Variants in EZH1 observed in about 807,000 individuals in gnomAD.
EZH1 encodes enhancer of zeste 1 polycomb repressive complex 2 subunit, also known as histone-lysine N-methyltransferase EZH1.
Under a neutral mutation model 100.5 loss-of-function variants are expected in EZH1, and 33 were observed. That is an observed-to-expected ratio of 0.33 (90% CI 0.25 to 0.44). The LOEUF (loss-of-function observed/expected upper bound fraction) is 0.44, where lower values mean the gene tolerates loss of function less well. EZH1 is among the 20% of genes least tolerant of loss of function. The probability of loss-of-function intolerance (pLI) is 1.00; values close to 1 mark genes in which losing one functional copy is unlikely to be tolerated. For missense variants in EZH1, 475 were observed against 928.4 expected (o/e 0.51, Z 6.35); for synonymous variants, 272 against 313.8 (o/e 0.87, Z 1.41).
chr17:42,706,150 G>A lies in EZH1; in HGVS notation c.1696C>T (p.Gln566Ter). Residue 566 changes from glutamine to a stop codon, truncating the protein, a stop_gained, in exon 16 of 21, where the codon CAG (glutamine) becomes TAG (stop). Coordinates refer to ENST00000428826, the MANE Select transcript of EZH1 (RefSeq NM_001991.5). LOFTEE classifies it high-confidence loss of function. This position sits in a 1 kb window ranked among gnomAD's most constrained non-coding sequence, Gnocchi z 4.4. Reference protein sequence around the residue: ...NRFPGCRCKTQCNTKQCPCYL... With the variant: ...NRFPGCRCKT ...CAAGGACATTGCTTGGTATTGCACTGGGTCTTACAGCGACAGCCAGGGAAA... is the reference window on the plus strand; with the variant it reads ...CAAGGACATTGCTTGGTATTGCACTAGGTCTTACAGCGACAGCCAGGGAAA... 6.2e-7 allele frequency: 1 copy of A among 1,612,304 alleles called. No homozygotes were observed. Among genetic ancestry groups the A allele is most frequent in the Non-Finnish European group, 8.5e-7 (1 of 1,178,990 alleles).
At position 42,708,021 on chromosome 17, in the gene EZH1, T is replaced by A. The variant is rs781046699; in HGVS notation, c.1597A>T (p.Ser533Cys). 6.2e-7 allele frequency: 1 copy of A among 1,612,558 alleles called. No homozygotes were observed. Among genetic ancestry groups the A allele is most frequent in the South Asian group, 1.1e-5 (1 of 91,020 alleles). The stretch of plus-strand genomic sequence containing the variant: ...TGAGTCATGATGCAGGGGCAGGTGC[T>A]GTCACAGGGGCGGTCTGGGTGGTCG... ...PCDHPDRPCD[S>C]TCPCIMTQNF... The change falls in exon 15 of 21, where the codon AGC (serine) becomes TGC (cysteine). Residue 533 changes from serine to cysteine, a missense_variant. Ser to Cys is a moderately radical substitution (Grantham distance 112). This residue lies in a region of EZH1 where 83 missense variants were observed against 142.1 expected (regional missense o/e 0.58). Transcript: ENST00000428826.
At chr17:42,724,874 T>C (rs1173911398) in intron 4 of EZH1, among the ~76,000 whole-genome samples, 1 of 151,972 alleles carries the variant, frequency 6.6e-6, no homozygotes, top group Non-Finnish European at 1.5e-5. Flanking sequence ...GCATTTAAAA[T>C]TATAAAAAAT....
intron 17 of EZH1, 59 bp from the exon 18 acceptor site, chr17:42,704,742 C>T: frequency 7.1e-7 from 1 of 1,410,154 alleles, no homozygotes; most frequent in Non-Finnish European, 9.9e-7. Context: ...GGGCATGGTA[C>T]CCTGCCCCCA....
rs2053227826 is a variant in EZH1, at chr17:42,700,942, T to TGCC, written c.*1589_*1590insGGC. The TGCC allele has an allele frequency of 6.6e-6, 1 of 152,298 alleles. No homozygotes were observed. The highest frequency in any genetic ancestry group is 2.4e-5 in the African/African-American group (1 of 41,404). The allele number at this position is 152,298 out of a possible 1,614,324, so 9.4% of individuals were successfully genotyped here. ...ACTTCTTCCTTCATGGGACAACAAG[T>TGCC]GGAGTGGGAAGAAGCGGGGCTCTGA... On this transcript the variant is annotated 3_prime_UTR_variant, in exon 21 of 21. Coordinates refer to ENST00000428826, the MANE Select transcript of EZH1 (RefSeq NM_001991.5).
At chr17:42,725,294 G>A (rs1157771154) in intron 4 of EZH1, among the ~76,000 whole-genome samples, 1 of 150,700 alleles carries the variant, frequency 6.6e-6, no homozygotes, top group Non-Finnish European at 1.5e-5. Flanking sequence ...TTTTGAGACA[G>A]GATCTCACTC....
intron 1 of EZH1, among the ~76,000 whole-genome samples, chr17:42,732,092 T>C (rs534022559): frequency 2.7e-5 from 4 of 149,252 alleles, no homozygotes; most frequent in South Asian, 2.1e-4. Context: ...GCATCCAGCC[T>C]GAGAAACTGA....
rs2089116 is a variant in EZH1, at chr17:42,706,812, T to C, written c.1661-627A>G. Among the ~76,000 whole-genome samples the C allele has an allele frequency of 0.6, 91,589 of 152,070 alleles. 29,187 individuals carry two copies. Among genetic ancestry groups the C allele is most frequent in the African/African-American group, 0.83 (34,325 of 41,502 alleles). On this transcript the variant is annotated intron_variant, in intron 15 of 20. Coordinates refer to ENST00000428826, the MANE Select transcript of EZH1 (RefSeq NM_001991.5). The surrounding 1 kb of genome is among the most constrained non-coding windows in gnomAD (Gnocchi z 4.4). ...TACCCCAGAGAATATGAAATCAGTG[T>C]GTTTCACTGGTAAATTGTCACCATC...
At chr17:42,714,599 T>C in intron 10 of EZH1, 2 of 336,522 alleles carry the variant, frequency 5.9e-6, no homozygotes, top group South Asian at 5.6e-5. Context: ...CAGCAGAAAA[T>C]TGTTGTGAAA....
At chr17:42,705,482 A>C (rs925906146) in intron 16 of EZH1, 4 of 231,286 alleles carry the variant, frequency 1.7e-5, no homozygotes, top group Non-Finnish European at 3.4e-5. Context: ...AGGTGCATAC[A>C]CCTCGCAGCT....
At chr17:42,715,028 G>A (rs1418648827) in intron 10 of EZH1, among the ~76,000 whole-genome samples, 3 of 134,842 alleles carry the variant, frequency 2.2e-5, no homozygotes, top group South Asian at 4.4e-4. Context: ...TATAATTTAT[G>A]TAAATATAAT....
chr17:42,725,509 G>A (rs1432736552), intron 4 of EZH1, among the ~76,000 whole-genome samples: 1 of 151,256 alleles, frequency 6.6e-6, no homozygotes, highest in Non-Finnish European at 1.5e-5. Flanking sequence ...TCCAACTCCT[G>A]GACTCAAGCA....
At chr17:42,705,976 T>A (rs769981384) in intron 16 of EZH1, 31 bp downstream of exon 16, 4 of 1,563,578 alleles carry the variant, frequency 2.6e-6, no homozygotes, top group Non-Finnish European at 3.5e-6. Flanking sequence ...CTCCATTTTA[T>A]GTGGTGTGGG....
intron 6 of EZH1, among the ~76,000 whole-genome samples, chr17:42,721,052 A>G (rs1451998176): frequency 1.3e-5 from 2 of 152,250 alleles, no homozygotes; most frequent in Non-Finnish European, 2.9e-5. Context: ...ATCTCCAAGT[A>G]GGGCAGAGAA....
intron 4 of EZH1, among the ~76,000 whole-genome samples, chr17:42,727,048 C>T (rs1406250643): frequency 6.6e-6 from 1 of 151,770 alleles, no homozygotes; most frequent in East Asian, 1.9e-4. Context: ...CAGTGTTTCG[C>T]TATGTTGGCC....
At chr17:42,726,935 T>C (rs952950319) in intron 4 of EZH1, among the ~76,000 whole-genome samples, 2 of 151,920 alleles carry the variant, frequency 1.3e-5, no homozygotes, top group Non-Finnish European at 2.9e-5. Context: ...CTGCAACTTC[T>C]GCCTCCTAGG....
chr17:42,734,546 C>T (rs1029520455), intron 1 of EZH1, among the ~76,000 whole-genome samples: 1 of 151,568 alleles, frequency 6.6e-6, no homozygotes, highest in Admixed American at 6.6e-5. Context: ...TGCCTGCAGT[C>T]AGTCCCAGCT....
In EZH1 at chr17:42,718,185, C is replaced by T; in HGVS notation, c.932-118G>A. On this transcript the variant is annotated intron_variant, in intron 9 of 20. Coordinates refer to ENST00000428826, the MANE Select transcript of EZH1 (RefSeq NM_001991.5). This position sits in a 1 kb window ranked among gnomAD's most constrained non-coding sequence, Gnocchi z 4.2. ...AGAATTCGATATAAACGGCTACCAT[C>T]AGGGTGCACAAAATTCAGTCATTTC... 1.0e-6 allele frequency: 1 copy of T among 953,150 alleles called. No individual in the cohort carries two copies. The highest frequency in any genetic ancestry group is 1.6e-5 in the South Asian group (1 of 64,220). The allele number at this position is 953,150 out of a possible 1,614,324, so 59.0% of individuals were successfully genotyped here. A position where few individuals can be genotyped will look rare whatever the true frequency, so the allele number is the denominator to read the frequency against.
At chr17:42,733,065 C>T (rs978986717) in intron 1 of EZH1, among the ~76,000 whole-genome samples, 4 of 150,294 alleles carry the variant, frequency 2.7e-5, no homozygotes, top group South Asian at 4.2e-4. Context: ...AAGCCAGGTG[C>T]GCTGGCTCAC....
chr17:42,737,914 C>T (rs920726538), intron 1 of EZH1, among the ~76,000 whole-genome samples: 3 of 152,156 alleles, frequency 2.0e-5, no homozygotes, highest in Non-Finnish European at 2.9e-5. Context: ...CGGTGGCTCA[C>T]GCCTGCAATC....
Sources: gnomAD v4.1 joint callset for allele counts (sites outside exome capture counted in the v4.1 genomes callset) on GRCh38, gnomAD v4.1.1 for gene constraint, gnomAD v4.1.1 regional missense constraint, Gnocchi (gnomAD v3.1) non-coding constraint, MANE v1.5 for transcripts, NCBI Gene and HGNC (gene_info 2026-07-23, HGNC 2026-07-21) for gene names.